Variants in GRID2 observed in about 807,000 individuals in gnomAD.
The protein encoded by GRID2 is glutamate ionotropic receptor delta type subunit 2.
A neutral mutation model predicts 114.8 loss-of-function variants in GRID2; 33 were observed. That is an observed-to-expected ratio of 0.29 (90% CI 0.22 to 0.38). The LOEUF (loss-of-function observed/expected upper bound fraction) is 0.38, where lower values mean the gene tolerates loss of function less well. GRID2 is among the 10% of genes least tolerant of loss of function. The pLI, the probability that GRID2 is intolerant of heterozygous loss-of-function variation, is 1.00. For missense variants in GRID2, 1,184 were observed against 1,257.7 expected, an observed-to-expected ratio of 0.94 and a Z score of 0.89; for synonymous variants, 505 against 449.9, an observed-to-expected ratio of 1.12 and a Z score of -1.55.
At chr4:92,493,355 A>G (rs916617573) in intron 1 of GRID2, among the ~76,000 whole-genome samples, 26 of 152,142 alleles carry the variant, frequency 1.7e-4, no homozygotes, top group African/African-American at 5.5e-4. Flanking sequence ...CCTGATACCT[A>G]TGCTGGGTAA....
chr4:92,977,953 T>C (rs1288181656), intron 2 of GRID2, among the ~76,000 whole-genome samples: 1 of 152,168 alleles, frequency 6.6e-6, no homozygotes, highest in Admixed American at 6.5e-5. Context: ...AAATGTCAAG[T>C]AGTCAGCTGG....
At chr4:92,341,731 G>A (rs1402950315) in intron 1 of GRID2, among the ~76,000 whole-genome samples, 1 of 151,840 alleles carries the variant, frequency 6.6e-6, no homozygotes, top group Non-Finnish European at 1.5e-5. Context: ...GCTAACGCAC[G>A]GTGAAACCCC....
chr4:92,787,598 A>T (rs183505386), intron 2 of GRID2, among the ~76,000 whole-genome samples: 45 of 152,052 alleles, frequency 3.0e-4, no homozygotes, highest in African/African-American at 9.9e-4. Flanking sequence ...AAATGATGGC[A>T]TCACTTAAGG....
At chr4:92,487,683 G>A (rs1487947461) in intron 1 of GRID2, among the ~76,000 whole-genome samples, 2 of 151,734 alleles carry the variant, frequency 1.3e-5, no homozygotes, top group Admixed American at 6.6e-5. Flanking sequence ...ATTTTCTCTT[G>A]GTCTTTCAGT....
chr4:92,827,090 A>G (rs1046811466), intron 2 of GRID2, among the ~76,000 whole-genome samples: 1 of 152,036 alleles, frequency 6.6e-6, no homozygotes, highest in African/African-American at 2.4e-5. Flanking sequence ...CCTTCCTCAT[A>G]TTTCAATTCA....
intron 2 of GRID2, among the ~76,000 whole-genome samples, chr4:92,784,245 C>T (rs1300842170): frequency 6.6e-6 from 1 of 151,746 alleles, no homozygotes; most frequent in Non-Finnish European, 1.5e-5. Flanking sequence ...AACATATTTC[C>T]AACCTCATAT....
chr4:92,679,858 A>T (rs951001000), intron 2 of GRID2, among the ~76,000 whole-genome samples: 1 of 151,836 alleles, frequency 6.6e-6, no homozygotes, highest in Non-Finnish European at 1.5e-5. Context: ...CATATAATTG[A>T]TTTCTTTCTT....
chr4:93,506,327 A>G (rs1200377516), intron 12 of GRID2, among the ~76,000 whole-genome samples: 1 of 152,128 alleles, frequency 6.6e-6, no homozygotes, highest in Non-Finnish European at 1.5e-5. Context: ...TAATCCCCAC[A>G]CTTTGTAATC....
At chr4:92,743,781 TG>T (rs937246370) in intron 2 of GRID2, among the ~76,000 whole-genome samples, 1 of 152,208 alleles carries the variant, frequency 6.6e-6, no homozygotes, top group African/African-American at 2.4e-5. Context: ...GTATCTCATC[TG>T]CTATTCTCCT....
chr4:92,492,396 A>G (rs1048843296), intron 1 of GRID2, among the ~76,000 whole-genome samples: 1 of 152,192 alleles, frequency 6.6e-6, no homozygotes, highest in Admixed American at 6.5e-5. Context: ...TGTTTATTAC[A>G]TGTGTAAACA....
chr4:92,380,779 C>A (rs946621702), intron 1 of GRID2, among the ~76,000 whole-genome samples: 1 of 151,926 alleles, frequency 6.6e-6, no homozygotes, highest in African/African-American at 2.4e-5. Context: ...TTTTGCTTCT[C>A]TGAAAATTAG....
intron 1 of GRID2, among the ~76,000 whole-genome samples, chr4:92,506,486 C>A (rs1723977991): frequency 6.6e-6 from 1 of 151,792 alleles, no homozygotes; most frequent in African/African-American, 2.4e-5. Context: ...TTGGCATGAG[C>A]AAAATAATCA....
At chr4:93,057,154 A>ATGTG (rs1322019462) in intron 2 of GRID2, among the ~76,000 whole-genome samples, 67 of 127,454 alleles carry the variant, frequency 5.3e-4, no homozygotes, top group African/African-American at 2.0e-3. Context: ...GTGAGTGTGT[A>ATGTG]TGTGTGTCTG....
chr4:92,567,466 T>G (rs947182311), intron 1 of GRID2, among the ~76,000 whole-genome samples: 3 of 152,068 alleles, frequency 2.0e-5, no homozygotes, highest in Non-Finnish European at 4.4e-5. Context: ...TGATGATTTC[T>G]GCTGGTTCGT....
intron 2 of GRID2, among the ~76,000 whole-genome samples, chr4:92,769,170 A>C (rs1439884866): frequency 6.6e-6 from 1 of 152,186 alleles, no homozygotes; most frequent in African/African-American, 2.4e-5. Flanking sequence ...ATTGGCCAAA[A>C]CAAAGGGGCT....
At chr4:92,745,017 A>C (rs1313817844) in intron 2 of GRID2, among the ~76,000 whole-genome samples, 2 of 152,174 alleles carry the variant, frequency 1.3e-5, no homozygotes, top group African/African-American at 4.8e-5. Flanking sequence ...TATAAAGTAA[A>C]TGAGAAGATT....
In GRID2 at chr4:93,103,840, GT is replaced by G. The variant is rs35621225; in HGVS notation, c.530-6896del. Reference sequence around the variant, plus strand: ...AGCATCAAGTGAGAGAAAATCCCTTGTTTTTTTTTTTTGTTTGTTTTTTTCC... The same window carrying G: ...AGCATCAAGTGAGAGAAAATCCCTTGTTTTTTTTTTTGTTTGTTTTTTTCC... On this transcript the variant is annotated intron_variant, in intron 3 of 15. Transcript: ENST00000282020. 5.2e-3 allele frequency among the ~76,000 whole-genome samples: 738 copies of G among 142,400 alleles called. 7 individuals carry two copies. The highest frequency in any genetic ancestry group is 0.017 in the African/African-American group (650 of 39,040). The allele number at this position is 142,400 out of a possible 152,430, so 93.4% of individuals were successfully genotyped here.
chr4:92,787,506 GA>G (rs1318201140), intron 2 of GRID2, among the ~76,000 whole-genome samples: 1 of 151,892 alleles, frequency 6.6e-6, no homozygotes, highest in East Asian at 1.9e-4. Flanking sequence ...GACAGCTGGT[GA>G]AAAGCCCTAA....
chr4:92,534,843 A>T (rs1459511865), intron 1 of GRID2, among the ~76,000 whole-genome samples: 1 of 152,144 alleles, frequency 6.6e-6, no homozygotes, highest in African/African-American at 2.4e-5. Context: ...AGTATATTTC[A>T]ATGAAAGTAG....
Sources: gnomAD v4.1 joint callset for allele counts (sites outside exome capture counted in the v4.1 genomes callset) on GRCh38, gnomAD v4.1.1 for gene constraint, MANE v1.5 for transcripts, NCBI Gene and HGNC (gene_info 2026-07-23, HGNC 2026-07-21) for gene names.